PIWIL4: variants seen among roughly 807,000 people sequenced by gnomAD.
PIWIL4 encodes the protein piwi like RNA-mediated gene silencing 4, also known as piwi-like protein 4.
Under a neutral mutation model 100.9 loss-of-function variants are expected in PIWIL4, and 50 were observed. That is an observed-to-expected ratio of 0.50 (90% confidence interval 0.39 to 0.63). The LOEUF (loss-of-function observed/expected upper bound fraction) is 0.63. Among genes scored for constraint, PIWIL4 ranks in the 20% least tolerant of loss-of-function variants. The probability of loss-of-function intolerance (pLI) is 0.00; values close to 1 mark genes in which losing one functional copy is unlikely to be tolerated. For missense variants in PIWIL4, 887 were observed against 1,043.3 expected, an observed-to-expected ratio of 0.85 and a Z score of 2.06; for synonymous variants, 342 against 367.5, an observed-to-expected ratio of 0.93 and a Z score of 0.79.
chr11:94,587,033 C>CT lies in PIWIL4; in HGVS notation c.717-11dup, dbSNP rs765958814. Reference sequence around the variant, plus strand: ...TAACATTGACAATATTCCTTTTTTTCTTTTTTGTTTTTAAAGATTATCCCT... The same window carrying CT: ...TAACATTGACAATATTCCTTTTTTTCTTTTTTTGTTTTTAAAGATTATCCCT... On this transcript the variant is annotated splice_polypyrimidine_tract_variant and intron_variant, in intron 6 of 19. Coordinates refer to ENST00000299001, the MANE Select transcript of PIWIL4 (RefSeq NM_152431.3). 1.9e-6 allele frequency: 3 copies of CT among 1,572,616 alleles called. No individual in the cohort carries two copies. Among genetic ancestry groups the CT allele is most frequent in the African/African-American group, 2.8e-5 (2 of 72,722 alleles).
intron 10 of PIWIL4, among the ~76,000 whole-genome samples, chr11:94,596,597 T>C (rs990951844): frequency 3.3e-5 from 5 of 152,228 alleles, no homozygotes; most frequent in Non-Finnish European, 5.9e-5. Flanking sequence ...CATAGTTTTT[T>C]AATTTCATGG....
chr11:94,616,547 G>A lies in PIWIL4; in HGVS notation c.1998G>A (p.Leu666=). The part of the protein sequence containing the change: ...QRTMTDVADC[L]KVFMTGALNK... ...CAATGACTGATGTTGCAGATTGCTT[G>A]AAAGTTTTCATGACTGGTACTAAAA... The change falls in exon 16 of 20, where the codon TTG becomes TTA. Residue 666 remains leucine (L), a synonymous_variant. Coordinates refer to ENST00000299001, the MANE Select transcript of PIWIL4 (RefSeq NM_152431.3). The A allele has an allele frequency of 6.2e-7, 1 of 1,608,216 alleles. No homozygotes were observed. Among genetic ancestry groups the A allele is most frequent in the Non-Finnish European group, 8.5e-7 (1 of 1,177,836 alleles).
chr11:94,600,904 C>T (rs112856780), intron 11 of PIWIL4, among the ~76,000 whole-genome samples: 6,387 of 151,904 alleles, frequency 0.042, 169 homozygotes, highest in Middle Eastern at 0.092. Flanking sequence ...CTGTTCCGCC[C>T]GGCTCACCGG....
At chr11:94,590,996 G>A (rs1443468278) in intron 8 of PIWIL4, among the ~76,000 whole-genome samples, 1 of 152,070 alleles carries the variant, frequency 6.6e-6, no homozygotes, top group East Asian at 1.9e-4. Flanking sequence ...AGTGTCATGT[G>A]TAAAGGAAGT....
intron 13 of PIWIL4, among the ~76,000 whole-genome samples, chr11:94,606,721 C>T (rs2135291151): frequency 6.6e-6 from 1 of 152,074 alleles, no homozygotes; most frequent in East Asian, 1.9e-4. Context: ...GTAATCCCAG[C>T]TACTCGGGAG....
chr11:94,617,857 A>T, intron 16 of PIWIL4, 97 bp from the exon 17 acceptor site: 1 of 1,364,018 alleles, frequency 7.3e-7, no homozygotes, highest in Non-Finnish European at 1.0e-6. Context: ...AGTGGTCTGA[A>T]ATAGCAAACC....
intron 5 of PIWIL4, among the ~76,000 whole-genome samples, 200 bp from the exon 6 acceptor site, chr11:94,585,242 TGTA>T (rs1358685436): frequency 6.6e-6 from 1 of 152,204 alleles, no homozygotes; most frequent in Non-Finnish European, 1.5e-5. Flanking sequence ...TAATTTCAGT[TGTA>T]GTATTCTCAA....
intron 15 of PIWIL4, among the ~76,000 whole-genome samples, chr11:94,612,275 G>T (rs1948795612): frequency 1.4e-5 from 2 of 147,604 alleles, no homozygotes; most frequent in African/African-American, 5.0e-5. Flanking sequence ...TTAATGAATT[G>T]ATTCTTTTAT....
chr11:94,583,111 C>T (rs922722557), intron 4 of PIWIL4, among the ~76,000 whole-genome samples: 1 of 151,700 alleles, frequency 6.6e-6, no homozygotes, highest in Non-Finnish European at 1.5e-5. Flanking sequence ...TTATCAGACT[C>T]TCAAAATAAT....
chr11:94,576,412 G>A (rs1414810623), intron 3 of PIWIL4, among the ~76,000 whole-genome samples: 2 of 152,272 alleles, frequency 1.3e-5, no homozygotes, highest in Admixed American at 6.5e-5. Flanking sequence ...GAGATTACAG[G>A]TGTGAGCCAC....
chr11:94,591,392 A>G (rs988739297), intron 8 of PIWIL4, among the ~76,000 whole-genome samples: 1 of 152,226 alleles, frequency 6.6e-6, no homozygotes, highest in Non-Finnish European at 1.5e-5. Flanking sequence ...ACACACGTAG[A>G]AGAGCAAGCT....
At chr11:94,586,905 A>C in intron 6 of PIWIL4, 145 bp from the exon 7 acceptor site, 5 of 810,866 alleles carry the variant, frequency 6.2e-6, no homozygotes, top group Non-Finnish European at 9.5e-6. Context: ...GTTTTCAGTC[A>C]ACAACTGGAA....
chr11:94,588,166 G>T (rs753916535), intron 7 of PIWIL4, among the ~76,000 whole-genome samples: 2 of 151,254 alleles, frequency 1.3e-5, no homozygotes, highest in Non-Finnish European at 2.9e-5. Flanking sequence ...TCGTGTCCAT[G>T]TGTTCTCATT....
intron 2 of PIWIL4, among the ~76,000 whole-genome samples, chr11:94,572,293 T>C (rs1223377563): frequency 6.6e-6 from 1 of 152,250 alleles, no homozygotes; most frequent in Non-Finnish European, 1.5e-5. Flanking sequence ...TTTAGTTTCA[T>C]TAGATCCCAT....
chr11:94,618,332 G>A (rs116503161), intron 17 of PIWIL4, among the ~76,000 whole-genome samples: 1,528 of 152,286 alleles, frequency 0.01, 31 homozygotes, highest in African/African-American at 0.035. Flanking sequence ...GGCCCTGGGA[G>A]GGGAAACCTA....
intron 2 of PIWIL4, among the ~76,000 whole-genome samples, chr11:94,573,880 A>G (rs995412328): frequency 3.3e-4 from 50 of 152,100 alleles, no homozygotes; most frequent in African/African-American, 1.0e-3. Context: ...ACTGTGCAAA[A>G]TGGAAACTCT....
intron 14 of PIWIL4, 85 bp from the exon 15 acceptor site, chr11:94,608,498 C>T (rs1948749859): frequency 8.9e-7 from 1 of 1,121,902 alleles, no homozygotes; most frequent in Admixed American, 1.8e-5. Flanking sequence ...TAACTGGAGT[C>T]TGTTTTTAAA....
At chr11:94,603,596 A>G (rs892178579) in intron 12 of PIWIL4, among the ~76,000 whole-genome samples, 51 of 152,330 alleles carry the variant, frequency 3.3e-4, no homozygotes, top group Non-Finnish European at 1.5e-4. Context: ...TTAGATTCCT[A>G]TAGCAATTCA....
intron 15 of PIWIL4, among the ~76,000 whole-genome samples, chr11:94,616,223 T>C (rs1343645575): frequency 6.6e-6 from 1 of 152,210 alleles, no homozygotes; most frequent in African/African-American, 2.4e-5. Context: ...GAGACTTAGG[T>C]TCACATAGCA....
Sources: allele counts gnomAD v4.1 joint callset (sites outside exome capture counted in the v4.1 genomes callset), GRCh38; gene constraint gnomAD v4.1.1; transcripts MANE v1.5; gene names NCBI Gene and HGNC (gene_info 2026-07-23, HGNC 2026-07-21).